PREX1: variants seen among roughly 807,000 people sequenced by gnomAD.
The protein encoded by PREX1 is phosphatidylinositol-3,4,5-trisphosphate dependent Rac exchange factor 1, also known as phosphatidylinositol 3,4,5-trisphosphate-dependent Rac exchanger 1 protein.
A neutral mutation model predicts 198.3 loss-of-function variants in PREX1; 41 were observed. The observed-to-expected ratio is 0.21, with a 90% CI of 0.16 to 0.27. The LOEUF (loss-of-function observed/expected upper bound fraction) is 0.27. Ranked by LOEUF, PREX1 falls within the 10% of genes least tolerant of loss-of-function variation. PREX1 has a pLI of 1.00. For missense variants in PREX1, 1,620 were observed against 2,200.7 expected (o/e 0.74, Z 5.28); for synonymous variants, 843 against 887.2 (o/e 0.95, Z 0.89).
rs368870025 is a variant in PREX1, at chr20:48,722,213, C to T, written c.621+4077G>A. ...CAGAAAGTGGAAACGACCCAAATGT[C>T]CATCAGCTAATGAGTGCATAAACAC... On this transcript the variant is annotated intron_variant, in intron 5 of 39. Coordinates refer to ENST00000371941, the MANE Select transcript of PREX1 (RefSeq NM_020820.4). Among the ~76,000 whole-genome samples, 11 of 152,174 alleles carry T rather than the reference C, an allele frequency of 7.2e-5. 1 individual carries two copies. The East Asian group carries it at 1.5e-3, about 21-fold the overall frequency.
rs1419829477 is a variant in PREX1 at position 48,651,065 on chromosome 20, T to C, written c.2656-10A>G. 5 of 1,613,624 alleles carry C rather than the reference T, an allele frequency of 3.1e-6. No homozygotes were observed. Among genetic ancestry groups the C allele is most frequent in the South Asian group, 1.1e-5 (1 of 91,064 alleles). On this transcript the variant is annotated splice_polypyrimidine_tract_variant and intron_variant, in intron 22 of 39. Transcript: ENST00000371941. ...CAAAGGCCTCGAGGATCTGCAGAAA[T>C]GTCAACAGCTACTGAGCATTCCCTG... is the stretch of plus-strand genomic sequence containing the variant.
At chr20:48,705,350 CA>C (rs1211695221) in intron 6 of PREX1, among the ~76,000 whole-genome samples, 5 of 152,182 alleles carry the variant, frequency 3.3e-5, no homozygotes, top group East Asian at 1.9e-4. Context: ...CACAAAGGAT[CA>C]GGGGGTAAAA....
At chr20:48,697,475 G>T (rs988669224) in intron 7 of PREX1, among the ~76,000 whole-genome samples, 4 of 151,864 alleles carry the variant, frequency 2.6e-5, no homozygotes, top group African/African-American at 9.7e-5. Context: ...CCGCCTCCTG[G>T]GTTCAAGTGA....
chr20:48,680,943 A>G (rs1828245176), intron 11 of PREX1, among the ~76,000 whole-genome samples: 1 of 152,204 alleles, frequency 6.6e-6, no homozygotes, highest in Non-Finnish European at 1.5e-5. Flanking sequence ...TAGGCACTCA[A>G]TAAATATTTG....
chr20:48,734,357 G>C (rs544699562), intron 4 of PREX1, among the ~76,000 whole-genome samples, 189 bp downstream of exon 4: 1 of 152,252 alleles, frequency 6.6e-6, no homozygotes, highest in African/African-American at 2.4e-5. Context: ...TGTATGGTAC[G>C]CAGAGCCAAA....
intron 5 of PREX1, among the ~76,000 whole-genome samples, chr20:48,711,993 C>T (rs777522314): frequency 1.3e-5 from 2 of 152,200 alleles, no homozygotes; most frequent in Non-Finnish European, 1.5e-5. Context: ...ACCATGCTGC[C>T]CTGGACTGCC....
chr20:48,885,845 AT>A, the PREX1 span, among the ~76,000 whole-genome samples: 1 of 152,194 alleles, frequency 6.6e-6, no homozygotes. Context: ...ACGACATGAC[AT>A]TCTGGAAAAG....
chr20:48,885,818 C>T, the PREX1 span, among the ~76,000 whole-genome samples: 15 of 152,164 alleles, frequency 9.9e-5, no homozygotes, highest in African/African-American at 3.6e-4. Context: ...TGAAAGGCTA[C>T]ATCCTGTCTG....
rs2089734963 is a variant in PREX1, at chr20:48,679,632, A to G, written c.1539+19T>C. On this transcript the variant is annotated intron_variant, in intron 12 of 39. Transcript: ENST00000371941. ...ACGAGGCCAGCTGAGTCAGAGTCAC[A>G]GGGGCGGAGGGCCCCTACCTTGGAC... The G allele has an allele frequency of 2.5e-6, 4 of 1,578,774 alleles. No individual in the cohort carries two copies. Among genetic ancestry groups the G allele is most frequent in the Non-Finnish European group, 3.5e-6 (4 of 1,147,970 alleles).
At chr20:48,854,375 G>A in the PREX1 span, among the ~76,000 whole-genome samples, 1 of 151,978 alleles carries the variant, frequency 6.6e-6, no homozygotes, top group Non-Finnish European at 1.5e-5. Context: ...CAGAGGGAGG[G>A]GCAGAGTGTG....
At chr20:48,799,722 C>T (rs2090378111) in intron 1 of PREX1, among the ~76,000 whole-genome samples, 2 of 152,100 alleles carry the variant, frequency 1.3e-5, no homozygotes, top group African/African-American at 4.8e-5. Context: ...TGCAGGCAAG[C>T]GGGCCTCTGT....
chr20:48,875,305 A>G, the PREX1 span, among the ~76,000 whole-genome samples: 3 of 152,176 alleles, frequency 2.0e-5, no homozygotes, highest in Non-Finnish European at 4.4e-5. Context: ...CGGGTGCGAA[A>G]GCATTGAAGC....
At chr20:48,778,703 C>T (rs200755800) in intron 1 of PREX1, among the ~76,000 whole-genome samples, 2 of 152,164 alleles carry the variant, frequency 1.3e-5, no homozygotes, top group Non-Finnish European at 2.9e-5. Flanking sequence ...AATTGACCCA[C>T]ACAAATATGG....
intron 26 of PREX1, among the ~76,000 whole-genome samples, chr20:48,644,951 C>G (rs1205645036): frequency 6.6e-6 from 1 of 152,224 alleles, no homozygotes; most frequent in Non-Finnish European, 1.5e-5. Context: ...AACCCAGGAT[C>G]CTGACATTTT....
At chr20:48,886,505 CA>C in the PREX1 span, among the ~76,000 whole-genome samples, 1 of 152,170 alleles carries the variant, frequency 6.6e-6, no homozygotes. Context: ...CACCCAGAAG[CA>C]CTTACAAACT....
At chr20:48,711,073 C>A (rs1013065449) in intron 5 of PREX1, among the ~76,000 whole-genome samples, 1 of 152,234 alleles carries the variant, frequency 6.6e-6, no homozygotes, top group African/African-American at 2.4e-5. Flanking sequence ...CAGGAGGATG[C>A]ACGGGATGGA....
At chr20:48,639,655 G>A in intron 30 of PREX1, 111 bp downstream of exon 30, 9 of 1,465,858 alleles carry the variant, frequency 6.1e-6, no homozygotes, top group Non-Finnish European at 8.4e-6. Context: ...CCTCTCCCTG[G>A]TCATGGAGAA....
At chr20:48,800,886 C>A (rs2090383626) in intron 1 of PREX1, among the ~76,000 whole-genome samples, 2 of 151,866 alleles carry the variant, frequency 1.3e-5, no homozygotes, top group Non-Finnish European at 1.5e-5. Flanking sequence ...GAACTCTTAA[C>A]CTCAAGCAAT....
intron 33 of PREX1, among the ~76,000 whole-genome samples, chr20:48,633,314 T>C (rs1568791163): frequency 6.6e-6 from 1 of 152,168 alleles, no homozygotes; most frequent in Non-Finnish European, 1.5e-5. Context: ...AACTGGCTCG[T>C]GGGAAGGAGA....
Sources: gnomAD v4.1 joint callset for allele counts (sites outside exome capture counted in the v4.1 genomes callset) on GRCh38, gnomAD v4.1.1 for gene constraint, MANE v1.5 for transcripts, NCBI Gene and HGNC (gene_info 2026-07-23, HGNC 2026-07-21) for gene names.